TG: variants seen among roughly 807,000 people sequenced by gnomAD.
The protein encoded by TG is thyroid hormones.
Under a neutral mutation model 324.7 loss-of-function variants are expected in TG, and 270 were observed. That is an observed-to-expected ratio of 0.83 (90% confidence interval 0.75 to 0.92). The LOEUF is 0.92. Ranked by LOEUF, TG falls within the 40% of genes least tolerant of loss-of-function variation. The pLI, the probability that TG is intolerant of heterozygous loss-of-function variation, is 0.00. For missense variants in TG, 3,591 were observed against 3,456.4 expected (o/e 1.04, Z -0.98); for synonymous variants, 1,401 against 1,327.0 (o/e 1.06, Z -1.21).
intron 35 of TG, among the ~76,000 whole-genome samples, chr8:132,998,718 C>T (rs534774824): frequency 1.8e-4 from 28 of 152,260 alleles, no homozygotes; most frequent in Admixed American, 4.6e-4. Flanking sequence ...AACTGTGGTC[C>T]ATATCAGCAA....
At chr8:133,026,634 C>A (rs2130968970) in intron 40 of TG, among the ~76,000 whole-genome samples, 1 of 152,270 alleles carries the variant, frequency 6.6e-6, no homozygotes, top group East Asian at 1.9e-4. Flanking sequence ...GGTGTGGGAG[C>A]AGAGGAAATG....
intron 34 of TG, among the ~76,000 whole-genome samples, chr8:132,975,233 C>T (rs1830044320): frequency 6.6e-6 from 1 of 152,196 alleles, no homozygotes; most frequent in Non-Finnish European, 1.5e-5. Flanking sequence ...TGTCCTCTTA[C>T]CTCCTTACCT....
chr8:132,887,618 A>C (rs1220782223), intron 9 of TG, 70 bp downstream of exon 9: 8 of 1,601,246 alleles, frequency 5.0e-6, no homozygotes, highest in Non-Finnish European at 6.8e-6. Context: ...AATGCAGTAC[A>C]GTAATAGAAA....
chr8:132,968,119 T>C (rs1245073328), intron 31 of TG, 149 bp downstream of exon 31: 13 of 989,046 alleles, frequency 1.3e-5, no homozygotes, highest in Non-Finnish European at 1.8e-5. Flanking sequence ...GGATCCAAAC[T>C]TTCACGGTTA....
chr8:132,902,857 T>C (rs984868450), intron 16 of TG, among the ~76,000 whole-genome samples: 1 of 152,204 alleles, frequency 6.6e-6, no homozygotes, highest in Non-Finnish European at 1.5e-5. Flanking sequence ...TAGGACTCCA[T>C]GATACAGTTC....
intron 24 of TG, 34 bp from the exon 25 acceptor site, chr8:132,935,722 G>A (rs1372804453): frequency 6.5e-7 from 1 of 1,541,090 alleles, no homozygotes; most frequent in Non-Finnish European, 9.0e-7. Context: ...ATAAAGTATT[G>A]CAGGATAATA....
At chr8:132,919,167 C>G (rs753281743) in intron 20 of TG, among the ~76,000 whole-genome samples, 2 of 152,194 alleles carry the variant, frequency 1.3e-5, no homozygotes, top group Non-Finnish European at 2.9e-5. Context: ...AAGCATGTCA[C>G]TTCCCGGACA....
chr8:133,006,326 T>C (rs1266196507), intron 35 of TG, among the ~76,000 whole-genome samples: 1 of 152,216 alleles, frequency 6.6e-6, no homozygotes, highest in Non-Finnish European at 1.5e-5. Flanking sequence ...TGGACGTGTG[T>C]CGGAATCACC....
In TG at chr8:133,017,820, C is replaced by G. The variant is rs150133670; in HGVS notation, c.6605C>G (p.Pro2202Arg). The part of the protein sequence containing the change: ...LSYEASVPSV[P>R]ISTHGRLLGR... ...TATGAGGCATCTGTACCTTCTGTGC[C>G]CATTTCCACCCATGGCCGGCTGCTG... Residue 2202 changes from proline (P) to arginine (R), a missense_variant, in exon 38 of 48, where the codon CCC becomes CGC. Transcript: ENST00000220616. 726 of 1,614,206 alleles carry G rather than the reference C, an allele frequency of 4.5e-4. 1 individual carries two copies. The highest frequency in any genetic ancestry group is 1.5e-3 in the South Asian group (140 of 91,086).
chr8:132,964,600 T>G (rs1200525970), intron 29 of TG: 3 of 342,768 alleles, frequency 8.8e-6, no homozygotes, highest in Middle Eastern at 7.7e-4. Context: ...CGAGAGTGAT[T>G]GGTCTCATTG....
At position 132,901,418 on chromosome 8, in the gene TG, C is replaced by T. The variant is rs1321523030; in HGVS notation, c.3499C>T (p.Pro1167Ser). The change falls in exon 16 of 48, where the codon CCA becomes TCA. Residue 1167 changes from proline to serine, a missense_variant. By Grantham distance (74) the Pro-to-Ser change is moderately conservative. Transcript: ENST00000220616. The part of the protein sequence containing the change: ...LSRRVSPGYV[P>S]ACRAEDGGFS... The stretch of plus-strand genomic sequence containing the variant: ...CAGGAGAGTCAGCCCAGGCTATGTC[C>T]CAGCCTGCAGGGCAGAGGATGGGGG... 2 of 1,614,106 alleles carry T rather than the reference C, an allele frequency of 1.2e-6. No individual in the cohort carries two copies. Among genetic ancestry groups the T allele is most frequent in the Non-Finnish European group, 1.7e-6 (2 of 1,180,056 alleles).
chr8:132,948,884 C>T lies in TG; in HGVS notation c.5342C>T (p.Thr1781Ile). Reference sequence around the variant, plus strand: ...GCTAATGCTACATGTCCTGGTGTGACATATGACCAGGAGAGCCACCAGGTG... The same window carrying T: ...GCTAATGCTACATGTCCTGGTGTGATATATGACCAGGAGAGCCACCAGGTG... ...AWANATCPGV[T>I]YDQESHQVIL... Residue 1781 changes from threonine to isoleucine, a missense_variant, in exon 27 of 48, where the codon ACA becomes ATA. Physicochemically the swap from Thr to Ile is moderately conservative, Grantham distance 89. Transcript: ENST00000220616. 2 of 1,613,952 alleles carry T rather than the reference C, an allele frequency of 1.2e-6. No individual in the cohort carries two copies. Among genetic ancestry groups the T allele is most frequent in the Non-Finnish European group, 1.7e-6 (2 of 1,179,928 alleles).
intron 25 of TG, among the ~76,000 whole-genome samples, chr8:132,939,853 TG>T (rs1419153898): frequency 1.3e-5 from 2 of 152,056 alleles, no homozygotes; most frequent in Non-Finnish European, 2.9e-5. Context: ...ATTTTTGTAT[TG>T]TTAGTAGAGA....
intron 41 of TG, among the ~76,000 whole-genome samples, chr8:133,083,798 A>T (rs1163016484): frequency 6.6e-6 from 1 of 152,152 alleles, no homozygotes; most frequent in African/African-American, 2.4e-5. Context: ...TCACGGACTC[A>T]CATGTGCCCT....
chr8:133,062,840 A>G (rs966868959), intron 41 of TG, among the ~76,000 whole-genome samples: 9 of 152,170 alleles, frequency 5.9e-5, no homozygotes, highest in Non-Finnish European at 8.8e-5. Context: ...TGTGACACGC[A>G]CAGGGTGTCT....
chr8:133,068,226 G>A (rs1843395022), intron 41 of TG, among the ~76,000 whole-genome samples: 1 of 152,212 alleles, frequency 6.6e-6, no homozygotes, highest in Non-Finnish European at 1.5e-5. Context: ...AGCACTCCAT[G>A]CCCTGCAGGA....
At chr8:133,091,375 G>C (rs919361293) in intron 41 of TG, among the ~76,000 whole-genome samples, 2 of 152,214 alleles carry the variant, frequency 1.3e-5, no homozygotes, top group Non-Finnish European at 2.9e-5. Flanking sequence ...TGCCAGGAGG[G>C]AGGCGGAGTC....
At chr8:132,960,929 A>G (rs1439164985) in intron 27 of TG, 79 bp from the exon 28 acceptor site, 1 of 1,364,234 alleles carries the variant, frequency 7.3e-7, no homozygotes, top group Non-Finnish European at 1.0e-6. Flanking sequence ...GTGTCAAGGG[A>G]GATGGGGCTA....
intron 18 of TG, among the ~76,000 whole-genome samples, chr8:132,909,450 A>T (rs1434536613): frequency 6.6e-6 from 1 of 152,144 alleles, no homozygotes; most frequent in Non-Finnish European, 1.5e-5. Context: ...GGGACTAGAG[A>T]GCTGAGGACC....
Sources: allele counts gnomAD v4.1 joint callset (sites outside exome capture counted in the v4.1 genomes callset), GRCh38; gene constraint gnomAD v4.1.1; transcripts MANE v1.5; gene names NCBI Gene and HGNC (gene_info 2026-07-23, HGNC 2026-07-21).